Variants in ZNF385D observed in about 807,000 individuals in gnomAD.
The protein encoded by ZNF385D is zinc finger protein 659.
In ZNF385D, 15 loss-of-function variants were observed where a neutral mutation model predicts 35.8. The observed-to-expected ratio is 0.42, with a 90% confidence interval of 0.28 to 0.64. ZNF385D has a LOEUF of 0.64. ZNF385D is among the 30% of genes least tolerant of loss of function. The probability of loss-of-function intolerance (pLI) is 0.23; values close to 1 mark genes in which losing one functional copy is unlikely to be tolerated. For missense variants in ZNF385D, 474 were observed against 494.6 expected (o/e 0.96, Z 0.39); for synonymous variants, 212 against 186.8 (o/e 1.13, Z -1.10).
rs531116432 is a variant in ZNF385D at position 22,174,682 on chromosome 3, T to C, written c.107-5647A>G. Among the ~76,000 whole-genome samples, 88 of 152,224 alleles carry C rather than the reference T, an allele frequency of 5.8e-4. 1 individual carries two copies. Among genetic ancestry groups the C allele is most frequent in the Non-Finnish European group, 9.3e-4 (63 of 67,974 alleles). ...TGATAATATCTCCAGAAATTATTTT[T>C]GGTTCAACGGAAAATAAAATAAAAA... On this transcript the variant is annotated intron_variant, in intron 2 of 5. Transcript: ENST00000494108.
chr3:22,207,386 G>C (rs193025776), intron 2 of ZNF385D, among the ~76,000 whole-genome samples: 1 of 151,844 alleles, frequency 6.6e-6, no homozygotes, highest in African/African-American at 2.4e-5. Flanking sequence ...AACTGGACAC[G>C]CATATGCAGA....
intron 3 of ZNF385D, among the ~76,000 whole-genome samples, chr3:21,895,123 C>A (rs1699065935): frequency 6.6e-6 from 1 of 151,770 alleles, no homozygotes; most frequent in South Asian, 2.1e-4. Context: ...CATGCATGTT[C>A]CAAAACCCAG....
intron 2 of ZNF385D, among the ~76,000 whole-genome samples, chr3:22,346,324 T>A (rs536850865): frequency 2.9e-4 from 44 of 152,282 alleles, no homozygotes; most frequent in African/African-American, 1.1e-3. Flanking sequence ...ACATATCTGT[T>A]GGGGAAAAAA....
intron 2 of ZNF385D, among the ~76,000 whole-genome samples, chr3:22,249,731 T>G (rs1339277350): frequency 1.3e-5 from 2 of 152,190 alleles, no homozygotes; most frequent in Non-Finnish European, 2.9e-5. Flanking sequence ...AATGTGCAAA[T>G]GCACATCATT....
intron 1 of ZNF385D, among the ~76,000 whole-genome samples, chr3:21,721,365 G>T (rs2068533270): frequency 6.6e-6 from 1 of 151,800 alleles, no homozygotes; most frequent in South Asian, 2.1e-4. Flanking sequence ...CTTTAGACAG[G>T]CTCTGTCTCT....
chr3:22,278,222 T>C (rs1701533246), intron 2 of ZNF385D, among the ~76,000 whole-genome samples: 1 of 151,906 alleles, frequency 6.6e-6, no homozygotes, highest in Non-Finnish European at 1.5e-5. Context: ...TATAAATGTA[T>C]TCATTAGTAC....
At chr3:22,352,881 G>A (rs1472054819) in intron 2 of ZNF385D, among the ~76,000 whole-genome samples, 1 of 152,112 alleles carries the variant, frequency 6.6e-6, no homozygotes, top group East Asian at 1.9e-4. Context: ...GTTGTTAAGA[G>A]TCACTCAATA....
chr3:22,171,044 G>C (rs1412995033), intron 2 of ZNF385D, among the ~76,000 whole-genome samples: 1 of 152,198 alleles, frequency 6.6e-6, no homozygotes, highest in Non-Finnish European at 1.5e-5. Context: ...TGAGTGGCAA[G>C]ATTAGAGTTG....
chr3:22,047,621 T>C (rs376926863), intron 3 of ZNF385D, among the ~76,000 whole-genome samples: 2 of 152,088 alleles, frequency 1.3e-5, no homozygotes, highest in Non-Finnish European at 2.9e-5. Context: ...TGCATAAATA[T>C]ACACATTTTC....
chr3:21,780,555 G>A (rs1011138349), intron 3 of ZNF385D, among the ~76,000 whole-genome samples: 9 of 152,044 alleles, frequency 5.9e-5, no homozygotes, highest in African/African-American at 1.9e-4. Context: ...GAGTGAGTTT[G>A]TTGAGCATTT....
In ZNF385D at chr3:21,964,489, T is replaced by A. The variant is rs1245187082; in HGVS notation, c.325+204328A>T. ...TCTCAGATTTTTTTTTTTTTTTTTT[T>A]TTTTTTTTTTTTTTTTCTGAGACGG... On this transcript the variant is annotated intron_variant, in intron 3 of 5. Transcript: ENST00000494108. Among the ~76,000 whole-genome samples the A allele has an allele frequency of 9.0e-3, 1,111 of 122,852 alleles. 40 individuals are homozygous for A. Among genetic ancestry groups the A allele is most frequent in the African/African-American group, 0.032 (1,021 of 32,370 alleles). 80.6% of individuals were successfully genotyped at this position (122,852 alleles called of 152,430 possible). A position where few individuals can be genotyped will look rare whatever the true frequency, so the allele number is the denominator to read the frequency against.
intron 3 of ZNF385D, among the ~76,000 whole-genome samples, chr3:21,899,253 C>T (rs1394114964): frequency 6.6e-6 from 1 of 152,108 alleles, no homozygotes; most frequent in Non-Finnish European, 1.5e-5. Context: ...AATAGTGCCA[C>T]AGTTGAGAAA....
intron 2 of ZNF385D, among the ~76,000 whole-genome samples, chr3:22,262,747 G>A (rs1467520820): frequency 2.0e-5 from 3 of 151,400 alleles, no homozygotes; most frequent in African/African-American, 4.9e-5. Context: ...AAACTTTTTG[G>A]GTTGTTTTGA....
chr3:21,655,784 C>A (rs2066053966), intron 2 of ZNF385D, among the ~76,000 whole-genome samples: 1 of 151,966 alleles, frequency 6.6e-6, no homozygotes. Context: ...AATCTGAAAT[C>A]TAGCCATGAT....
chr3:22,212,641 A>C (rs919119339), intron 2 of ZNF385D, among the ~76,000 whole-genome samples: 3 of 151,996 alleles, frequency 2.0e-5, no homozygotes, highest in Non-Finnish European at 4.4e-5. Context: ...GGCCATTCCT[A>C]ATGCCAATAT....
chr3:21,500,968 C>G (rs1706313458), intron 4 of ZNF385D, among the ~76,000 whole-genome samples: 1 of 152,174 alleles, frequency 6.6e-6, no homozygotes, highest in Non-Finnish European at 1.5e-5. Context: ...CCACGTGTGC[C>G]TGGCAACACA....
intron 3 of ZNF385D, among the ~76,000 whole-genome samples, chr3:21,925,510 A>G (rs961147648): frequency 1.3e-5 from 2 of 152,220 alleles, no homozygotes; most frequent in African/African-American, 4.8e-5. Context: ...TCAAAATTAC[A>G]CAACTTTTAT....
chr3:21,700,357 C>T (rs1329735382), intron 1 of ZNF385D, among the ~76,000 whole-genome samples: 3 of 152,118 alleles, frequency 2.0e-5, no homozygotes, highest in African/African-American at 4.8e-5. Flanking sequence ...TTATGCTAAG[C>T]AACTTAAAAG....
chr3:22,006,611 A>G (rs1216809929), intron 3 of ZNF385D, among the ~76,000 whole-genome samples: 5 of 152,094 alleles, frequency 3.3e-5, no homozygotes, highest in Non-Finnish European at 7.4e-5. Flanking sequence ...CATTACAGAA[A>G]GAAGAGAGTT....
Sources: allele counts gnomAD v4.1 joint callset (sites outside exome capture counted in the v4.1 genomes callset), GRCh38; gene constraint gnomAD v4.1.1; transcripts MANE v1.5; gene names NCBI Gene and HGNC (gene_info 2026-07-23, HGNC 2026-07-21).